MYO1D: variants seen among roughly 807,000 people sequenced by gnomAD.
MYO1D encodes myosin ID, also known as unconventional myosin-Id.
MYO1D carries 83 observed loss-of-function variants against 122.0 expected under a neutral mutation model. The observed-to-expected ratio is 0.68, with a 90% CI of 0.57 to 0.82. The LOEUF (loss-of-function observed/expected upper bound fraction) is 0.82, where lower values mean the gene tolerates loss of function less well. Among genes scored for constraint, MYO1D ranks in the 40% least tolerant of loss-of-function variants. The pLI is 0.00. For missense variants in MYO1D, 1,157 were observed against 1,269.5 expected (o/e 0.91, Z 1.35); for synonymous variants, 464 against 446.9 (o/e 1.04, Z -0.48).
chr17:32,779,797 T>C (rs1369483087), intron 2 of MYO1D, among the ~76,000 whole-genome samples: 4 of 152,178 alleles, frequency 2.6e-5, no homozygotes, highest in African/African-American at 9.7e-5. Flanking sequence ...TATTCTTATC[T>C]ATAAAGTAGA....
chr17:32,739,464 AG>A (rs1366430719), intron 13 of MYO1D, among the ~76,000 whole-genome samples: 4 of 136,680 alleles, frequency 2.9e-5, no homozygotes, highest in African/African-American at 1.1e-4. Flanking sequence ...GGACAGAGGA[AG>A]GGGAACGTCA....
chr17:32,539,367 A>AT (rs1436503970), intron 21 of MYO1D, among the ~76,000 whole-genome samples: 1 of 151,344 alleles, frequency 6.6e-6, no homozygotes, highest in Non-Finnish European at 1.5e-5. Flanking sequence ...TTTCACTTTG[A>AT]TTTTTTTAAA....
rs145266345 is a variant in MYO1D, at chr17:32,851,906, C to T, written c.95+24872G>A. 6.0e-4 allele frequency among the ~76,000 whole-genome samples: 92 copies of T among 152,326 alleles called. 2 individuals are homozygous for T. In the East Asian group the frequency reaches 0.015, roughly 24 times the overall value. On this transcript the variant is annotated intron_variant, in intron 1 of 21. Coordinates refer to ENST00000318217, the MANE Select transcript of MYO1D (RefSeq NM_015194.3). ...CCCAGCCCGGTTCCTAACAGACCAC[C>T]GTACCGGTCAGGGGCCTGGGGGTTG...
intron 16 of MYO1D, among the ~76,000 whole-genome samples, chr17:32,662,688 A>T (rs952780364): frequency 6.6e-6 from 1 of 151,696 alleles, no homozygotes; most frequent in Non-Finnish European, 1.5e-5. Flanking sequence ...AAAAAAAAAG[A>T]GCTGTGTAAA....
intron 20 of MYO1D, among the ~76,000 whole-genome samples, chr17:32,626,456 TAAC>T (rs2150929909): frequency 6.6e-6 from 1 of 152,376 alleles, no homozygotes; most frequent in East Asian, 1.9e-4. Context: ...TGTGTTTCTT[TAAC>T]AACGTTAAAT....
In MYO1D at chr17:32,608,349, TA is replaced by T. The variant is rs1442077299; in HGVS notation, c.2710-3109del. ...TGAAATCACTTCACCAAAGAAGGCATAGGGGTGAATAAGCACATGAAAGGGT... is the reference window on the plus strand; with the variant it reads ...TGAAATCACTTCACCAAAGAAGGCATGGGGTGAATAAGCACATGAAAGGGT... On this transcript the variant is annotated intron_variant, in intron 20 of 21. Transcript: ENST00000318217. Among the ~76,000 whole-genome samples the T allele has an allele frequency of 3.9e-5, 6 of 152,154 alleles. No homozygotes were observed. In the East Asian group the frequency reaches 5.8e-4, roughly 15 times the overall value.
chr17:32,614,083 T>TTG (rs2087740752), intron 20 of MYO1D, among the ~76,000 whole-genome samples: 1 of 150,100 alleles, frequency 6.7e-6, no homozygotes, highest in Admixed American at 6.6e-5. Flanking sequence ...TTTTTTTTTT[T>TTG]TTTTTTTTTT....
intron 19 of MYO1D, among the ~76,000 whole-genome samples, chr17:32,651,089 G>C (rs1457520871): frequency 1.3e-5 from 2 of 152,086 alleles, no homozygotes; most frequent in Non-Finnish European, 2.9e-5. Flanking sequence ...GATTTATTAG[G>C]TAGGATCAGA....
chr17:32,559,546 T>G (rs2087099159), intron 21 of MYO1D, among the ~76,000 whole-genome samples: 1 of 152,246 alleles, frequency 6.6e-6, no homozygotes, highest in African/African-American at 2.4e-5. Context: ...TACTTCTGTT[T>G]TGTATACTCA....
intron 21 of MYO1D, among the ~76,000 whole-genome samples, chr17:32,598,826 G>C (rs2087528179): frequency 6.6e-6 from 1 of 152,196 alleles, no homozygotes; most frequent in South Asian, 2.1e-4. Context: ...CTATAACAGA[G>C]AAGCCGGTTG....
rs1046648446 is a variant in MYO1D at position 32,827,267 on chromosome 17, A to G, written c.96-46483T>C. Among the ~76,000 whole-genome samples the G allele has an allele frequency of 3.3e-5, 5 of 152,234 alleles. No individual in the cohort carries two copies. The East Asian group carries it at 5.8e-4, about 18-fold the overall frequency. ...ATGGATAAACCTTGAGAACATTATA[A>G]TAAGTCATATAATAAGTTGTGACTA... On this transcript the variant is annotated intron_variant, in intron 1 of 21. Coordinates refer to ENST00000318217, the MANE Select transcript of MYO1D (RefSeq NM_015194.3).
At chr17:32,525,481 AC>A (rs1389654049) in intron 21 of MYO1D, among the ~76,000 whole-genome samples, 1 of 151,484 alleles carries the variant, frequency 6.6e-6, no homozygotes, top group African/African-American at 2.4e-5. Context: ...ATAACCAAGA[AC>A]TTTTTTTTTT....
chr17:32,788,235 AT>A (rs559027589), intron 1 of MYO1D, among the ~76,000 whole-genome samples: 1 of 151,534 alleles, frequency 6.6e-6, no homozygotes, highest in Non-Finnish European at 1.5e-5. Flanking sequence ...AATATCTGTT[AT>A]TTTTTTATTT....
At chr17:32,542,970 T>TA (rs1289417644) in intron 21 of MYO1D, among the ~76,000 whole-genome samples, 1 of 152,182 alleles carries the variant, frequency 6.6e-6, no homozygotes, top group African/African-American at 2.4e-5. Context: ...CTCACACCTG[T>TA]AATCCCGGCA....
At chr17:32,788,725 G>T (rs2090322518) in intron 1 of MYO1D, among the ~76,000 whole-genome samples, 1 of 152,016 alleles carries the variant, frequency 6.6e-6, no homozygotes. Flanking sequence ...GTCTTGCTTT[G>T]GGGGTGCAGG....
At chr17:32,586,670 A>T (rs1022667374) in intron 21 of MYO1D, among the ~76,000 whole-genome samples, 1 of 152,216 alleles carries the variant, frequency 6.6e-6, no homozygotes, top group African/African-American at 2.4e-5. Flanking sequence ...CGTATAAACT[A>T]TGACAATTTT....
intron 21 of MYO1D, among the ~76,000 whole-genome samples, chr17:32,572,893 T>A (rs1181557967): frequency 6.6e-6 from 1 of 152,098 alleles, no homozygotes; most frequent in Non-Finnish European, 1.5e-5. Flanking sequence ...CAACCTCTTC[T>A]CCCTAGCTAT....
chr17:32,626,123 C>T (rs112698951), intron 20 of MYO1D, among the ~76,000 whole-genome samples: 177 of 152,320 alleles, frequency 1.2e-3, no homozygotes, highest in Non-Finnish European at 2.1e-3. Context: ...CCCTGTCTCT[C>T]CCACGGGTCC....
intron 4 of MYO1D, among the ~76,000 whole-genome samples, chr17:32,773,816 C>T (rs1280063482): frequency 6.6e-6 from 1 of 152,148 alleles, no homozygotes; most frequent in African/African-American, 2.4e-5. Flanking sequence ...TATTGTCGTA[C>T]AATGGGCAAA....
Sources: gnomAD v4.1 joint callset for allele counts (sites outside exome capture counted in the v4.1 genomes callset) on GRCh38, gnomAD v4.1.1 for gene constraint, MANE v1.5 for transcripts, NCBI Gene and HGNC (gene_info 2026-07-23, HGNC 2026-07-21) for gene names.